The following IRF8 variants were observed in gnomAD, a reference collection of about 807,000 sequenced individuals.
IRF8 encodes the protein interferon consensus sequence binding protein 1.
Under a neutral mutation model 48.7 loss-of-function variants are expected in IRF8, and 14 were observed. The observed-to-expected ratio is 0.29, with a 90% CI of 0.19 to 0.45. The LOEUF (loss-of-function observed/expected upper bound fraction) is 0.45, where lower values mean the gene tolerates loss of function less well. Among genes scored for constraint, IRF8 ranks in the 20% least tolerant of loss-of-function variants. The pLI is 1.00. For synonymous variants in IRF8, 278 were observed against 227.3 expected (o/e 1.22, Z -2.01); for missense variants, 493 against 580.7 (o/e 0.85, Z 1.55).
chr16:85,918,862 G>A (rs1905428505), intron 7 of IRF8, 59 bp downstream of exon 7: 2 of 1,594,354 alleles, frequency 1.3e-6, no homozygotes, highest in African/African-American at 1.3e-5. Flanking sequence ...TCCTATCTGT[G>A]TGCCATTTGC....
At chr16:85,910,871 A>G (rs934959476) in intron 3 of IRF8, among the ~76,000 whole-genome samples, 13 of 152,256 alleles carry the variant, frequency 8.5e-5, no homozygotes, top group Admixed American at 7.2e-4. Flanking sequence ...GTCACTGGGA[A>G]TAATGAATTT....
At chr16:85,902,184 G>T (rs1904845866) in intron 1 of IRF8, among the ~76,000 whole-genome samples, 2 of 152,236 alleles carry the variant, frequency 1.3e-5, no homozygotes, top group South Asian at 4.1e-4. Flanking sequence ...GGTAGCTGCA[G>T]TTTATTTCCT....
At chr16:85,913,049 C>A in intron 4 of IRF8, 82 bp from the exon 5 acceptor site, 2 of 972,800 alleles carry the variant, frequency 2.1e-6, no homozygotes, top group Non-Finnish European at 1.7e-6. Context: ...TACACATGAA[C>A]TGTTCATTTT....
chr16:85,907,304 G>C (rs1018361697), intron 2 of IRF8, among the ~76,000 whole-genome samples: 4 of 152,244 alleles, frequency 2.6e-5, no homozygotes, highest in Admixed American at 1.3e-4. Flanking sequence ...TAAAGGAGCT[G>C]TGACTCATGG....
In IRF8 at chr16:85,920,197, C is replaced by T. The variant is rs148203070; in HGVS notation, c.1077C>T (p.Pro359=). Residue 359 remains proline (P), a synonymous_variant, in exon 8 of 9, where the codon CCC becomes CCT. Transcript: ENST00000268638. ...GGGAAGAGTTTCCGGATATGGCCCC[C>T]TTGCGCTCCAAACTCATTCTCGTGC... ...CFGEEFPDMA[P]LRSKLILVQI... 255 of 1,611,624 alleles carry T rather than the reference C, an allele frequency of 1.6e-4. 1 individual carries two copies. Among genetic ancestry groups the T allele is most frequent in the South Asian group, 7.6e-4 (69 of 90,994 alleles).
intron 4 of IRF8, among the ~76,000 whole-genome samples, chr16:85,912,351 G>A (rs1326001902): frequency 6.6e-6 from 1 of 152,236 alleles, no homozygotes; most frequent in African/African-American, 2.4e-5. Flanking sequence ...TAAACCTCGT[G>A]CAGCCTTTGC....
intron 7 of IRF8, 42 bp from the exon 8 acceptor site, chr16:85,920,067 C>A: frequency 6.8e-7 from 1 of 1,460,482 alleles, no homozygotes; most frequent in Non-Finnish European, 9.6e-7. Context: ...TGGAGGTCAT[C>A]TCGGCCTTGC....
chr16:85,902,547 C>G (rs544316992), intron 1 of IRF8: 1 of 232,280 alleles, frequency 4.3e-6, no homozygotes, highest in African/African-American at 2.2e-5. Flanking sequence ...GGCACGGACG[C>G]AGTATTCTAT....
At chr16:85,919,464 G>A (rs1449388810) in intron 7 of IRF8, among the ~76,000 whole-genome samples, 2 of 152,238 alleles carry the variant, frequency 1.3e-5, no homozygotes, top group Non-Finnish European at 2.9e-5. Context: ...TGCCAGAGGA[G>A]GGGCCTGGAA....
At position 85,921,346 on chromosome 16, in the gene IRF8, G is replaced by C; in HGVS notation, c.*64G>C. The stretch of plus-strand genomic sequence containing the variant: ...ATCCATCTCCCTGTTACAGTGGCCC[G>C]CATCATGATTAAAGAATGTGGATCC... On this transcript the variant is annotated 3_prime_UTR_variant, in exon 9 of 9. Coordinates refer to ENST00000268638, the MANE Select transcript of IRF8 (RefSeq NM_002163.4). The C allele has an allele frequency of 2.0e-6, 3 of 1,522,124 alleles. No individual in the cohort carries two copies. The highest frequency in any genetic ancestry group is 2.7e-6 in the Non-Finnish European group (3 of 1,104,502). The allele number at this position is 1,522,124 out of a possible 1,614,324, so 94.3% of individuals were successfully genotyped here. A position where few individuals can be genotyped will look rare whatever the true frequency, so the allele number is the denominator to read the frequency against.
intron 2 of IRF8, among the ~76,000 whole-genome samples, chr16:85,904,939 G>T (rs1167043004): frequency 3.4e-5 from 5 of 148,924 alleles, no homozygotes; most frequent in Admixed American, 2.7e-4. Flanking sequence ...AACCCCAAAA[G>T]CCGGAATTTC....
At chr16:85,912,046 C>T (rs1246356177) in intron 4 of IRF8, among the ~76,000 whole-genome samples, 3 of 152,240 alleles carry the variant, frequency 2.0e-5, no homozygotes, top group Admixed American at 2.0e-4. Context: ...TTCCTTGCTG[C>T]CTGCGCTTGT....
At chr16:85,916,436 A>G (rs527975354) in intron 6 of IRF8, among the ~76,000 whole-genome samples, 2 of 152,322 alleles carry the variant, frequency 1.3e-5, no homozygotes, top group African/African-American at 4.8e-5. Context: ...GGGTCGCAGC[A>G]GGCCCTTACT....
intron 6 of IRF8, among the ~76,000 whole-genome samples, chr16:85,918,117 A>C (rs557205828): frequency 1.3e-5 from 2 of 152,322 alleles, no homozygotes; most frequent in South Asian, 4.2e-4. Context: ...TTGACGTGTA[A>C]ATTACAACAG....
At chr16:85,911,079 C>T (rs529751594) in intron 3 of IRF8, among the ~76,000 whole-genome samples, 1 of 152,238 alleles carries the variant, frequency 6.6e-6, no homozygotes, top group Non-Finnish European at 1.5e-5. Flanking sequence ...TGTGTGTGTG[C>T]ATGGCTGTGT....
intron 7 of IRF8, among the ~76,000 whole-genome samples, chr16:85,919,526 C>T (rs1597257376): frequency 6.6e-6 from 1 of 152,178 alleles, no homozygotes; most frequent in Non-Finnish European, 1.5e-5. Context: ...CTGAGGAATC[C>T]CCCTAGTGAG....
chr16:85,900,538 T>C (rs1904795769), intron 1 of IRF8, among the ~76,000 whole-genome samples: 1 of 152,252 alleles, frequency 6.6e-6, no homozygotes, highest in South Asian at 2.1e-4. Context: ...CAGACGTGGC[T>C]GCACATGTGC....
chr16:85,920,460 A>G (rs79746220), intron 8 of IRF8, among the ~76,000 whole-genome samples: 3,065 of 152,104 alleles, frequency 0.02, 108 homozygotes, highest in African/African-American at 0.07. Flanking sequence ...GTTGGCCAGG[A>G]TGGTCTTGAT....
At chr16:85,907,641 G>A (rs1905042473) in intron 2 of IRF8, among the ~76,000 whole-genome samples, 1 of 152,128 alleles carries the variant, frequency 6.6e-6, no homozygotes, top group Admixed American at 6.5e-5. Context: ...TTGCGCCACT[G>A]CATTCCAGAC....
Sources: allele counts gnomAD v4.1 joint callset (sites outside exome capture counted in the v4.1 genomes callset), GRCh38; gene constraint gnomAD v4.1.1; transcripts MANE v1.5; gene names NCBI Gene and HGNC (gene_info 2026-07-23, HGNC 2026-07-21).